TOX3: variants seen among roughly 807,000 people sequenced by gnomAD.
TOX3 encodes TOX high mobility group box family member 3, also known as CAG trinucleotide repeat-containing gene F9 protein.
In TOX3, 22 loss-of-function variants were observed where a neutral mutation model predicts 64.3. That is an observed-to-expected ratio of 0.34 (90% CI 0.24 to 0.49). The LOEUF (loss-of-function observed/expected upper bound fraction) is 0.49, where lower values mean the gene tolerates loss of function less well. TOX3 is among the 20% of genes least tolerant of loss of function. The pLI, the probability that TOX3 is intolerant of heterozygous loss-of-function variation, is 0.99. For missense variants in TOX3, 661 were observed against 714.4 expected (o/e 0.93, Z 0.85); for synonymous variants, 291 against 273.6 (o/e 1.06, Z -0.63).
At chr16:52,509,877 T>C (rs980302632) in intron 1 of TOX3, among the ~76,000 whole-genome samples, 1 of 152,200 alleles carries the variant, frequency 6.6e-6, no homozygotes, top group Non-Finnish European at 1.5e-5. Context: ...AATTATCAAG[T>C]TCAAAGTCTA....
chr16:52,450,483 C>A lies in TOX3; in HGVS notation c.472G>T (p.Val158Phe). The change falls in exon 4 of 7, where the codon GTC becomes TTC. Residue 158 changes from valine to phenylalanine, a missense_variant. By Grantham distance (50) the Val-to-Phe change is conservative. Around this residue, in one of 3 missense-constraint regions of TOX3, gnomAD observed 259 missense variants for 261.2 expected, o/e 0.99. Coordinates refer to ENST00000219746, the MANE Select transcript of TOX3 (RefSeq NM_001080430.4). ...QDPSLIMRSIVHMTDAARSGV... is the reference protein window; with the variant it reads ...QDPSLIMRSIFHMTDAARSGV... The stretch of plus-strand genomic sequence containing the variant: ...GAACGCGCAGCATCGGTCATGTGGA[C>A]GATGGACCGCATGATCAGGGAGGGA... 3.7e-6 allele frequency: 6 copies of A among 1,613,980 alleles called. No individual in the cohort carries two copies. The African/African-American group carries it at 4.0e-5, about 11-fold the overall frequency.
intron 1 of TOX3, among the ~76,000 whole-genome samples, chr16:52,522,886 A>C (rs1001717552): frequency 7.9e-5 from 12 of 152,172 alleles, no homozygotes; most frequent in African/African-American, 2.9e-4. Flanking sequence ...CACGTTTATC[A>C]TGTGCTATTC....
chr16:52,522,246 TC>T (rs1260626953), intron 1 of TOX3, among the ~76,000 whole-genome samples: 1 of 152,220 alleles, frequency 6.6e-6, no homozygotes, highest in Non-Finnish European at 1.5e-5. Flanking sequence ...ATAGGCTTTG[TC>T]TCCTAATAAA....
chr16:52,526,532 T>C (rs149247319), intron 1 of TOX3, among the ~76,000 whole-genome samples: 11 of 151,698 alleles, frequency 7.3e-5, no homozygotes, highest in Admixed American at 6.6e-4. Context: ...CTTGAAATCG[T>C]TGGTCGGCAG....
intron 1 of TOX3, among the ~76,000 whole-genome samples, chr16:52,502,873 A>T (rs143682991): frequency 5.9e-5 from 9 of 152,306 alleles, no homozygotes; most frequent in Admixed American, 2.6e-4. Context: ...GGGTCAAAAA[A>T]CTTTTTTCTT....
chr16:52,443,323 A>C, intron 6 of TOX3, among the ~76,000 whole-genome samples: 1 of 152,184 alleles, frequency 6.6e-6, no homozygotes, highest in East Asian at 1.9e-4. Context: ...TTATCTATCT[A>C]ATGAAGTGGG....
chr16:52,442,630 T>C (rs114329698), intron 6 of TOX3, among the ~76,000 whole-genome samples: 97 of 152,318 alleles, frequency 6.4e-4, no homozygotes, highest in African/African-American at 2.3e-3. Context: ...CACTGTACAA[T>C]TCAATGCTGC....
intron 5 of TOX3, 28 bp from the exon 6 acceptor site, chr16:52,444,384 C>G (rs1486164804): frequency 3.3e-6 from 5 of 1,507,032 alleles, no homozygotes; most frequent in South Asian, 1.2e-5. Context: ...TTAGCACCAC[C>G]TTTAGCGTAT....
At chr16:52,449,639 C>T (rs987502159) in intron 4 of TOX3, among the ~76,000 whole-genome samples, 12 of 152,226 alleles carry the variant, frequency 7.9e-5, no homozygotes, top group African/African-American at 2.4e-4. Context: ...AAATGCCAAG[C>T]ACAGAGTAGG....
Position 52,446,218 on chromosome 16 carries a change from T to C in TOX3, c.682A>G (p.Ile228Val), listed in dbSNP as rs762489929. The change falls in exon 5 of 7, where the codon ATT (isoleucine) becomes GTT (valine). Residue 228 changes from isoleucine (I) to valine (V), a missense_variant. By Grantham distance (29) the Ile-to-Val change is conservative. Around this residue, in one of 3 missense-constraint regions of TOX3, gnomAD observed 103 missense variants for 161.2 expected, o/e 0.64. Coordinates refer to ENST00000219746, the MANE Select transcript of TOX3 (RefSeq NM_001080430.4). ...EEDADEANRA[I>V]GEKRAAPDSG... The stretch of plus-strand genomic sequence containing the variant: ...TCTGGAGCAGCTCTTTTCTCTCCAA[T>C]GGCCTGCAAAGCAGGAAGAAAATTC... 1.2e-6 allele frequency: 2 copies of C among 1,612,550 alleles called. No homozygotes were observed. Among genetic ancestry groups the C allele is most frequent in the African/African-American group, 1.3e-5 (1 of 74,734 alleles).
intron 3 of TOX3, among the ~76,000 whole-genome samples, chr16:52,452,684 A>AT (rs898662055): frequency 4.2e-4 from 28 of 66,106 alleles, no homozygotes; most frequent in Admixed American, 1.8e-3. Flanking sequence ...TATAATAATA[A>AT]TAAAAAAAAG....
At chr16:52,524,505 G>A (rs1452112020) in intron 1 of TOX3, among the ~76,000 whole-genome samples, 1 of 152,106 alleles carries the variant, frequency 6.6e-6, no homozygotes, top group Non-Finnish European at 1.5e-5. Flanking sequence ...CAATTACAAA[G>A]TCTCTTAATG....
chr16:52,502,106 A>G (rs1418405634), intron 1 of TOX3, among the ~76,000 whole-genome samples: 2 of 152,182 alleles, frequency 1.3e-5, no homozygotes, highest in African/African-American at 4.8e-5. Context: ...TCTTTCCTAA[A>G]AGTTCCTTCC....
chr16:52,493,358 T>C (rs1340357269), intron 1 of TOX3, among the ~76,000 whole-genome samples: 1 of 152,040 alleles, frequency 6.6e-6, no homozygotes, highest in Non-Finnish European at 1.5e-5. Context: ...TTTGGGAAAG[T>C]GAGAGTGCAA....
At position 52,464,458 on chromosome 16, in the gene TOX3, T is replaced by C. The variant is rs142761620; in HGVS notation, c.154-270A>G. On this transcript the variant is annotated intron_variant, in intron 2 of 6. Coordinates refer to ENST00000219746, the MANE Select transcript of TOX3 (RefSeq NM_001080430.4). The stretch of plus-strand genomic sequence containing the variant: ...ATGCCTACTTAATTAGCAACATCTG[T>C]CTTTGTTGTTAGTTGGAGCATATAA... Among the ~76,000 whole-genome samples the C allele has an allele frequency of 2.0e-3, 308 of 152,348 alleles. 1 individual carries two copies. The highest frequency in any genetic ancestry group is 7.2e-3 in the African/African-American group (301 of 41,572).
At chr16:52,449,954 A>G (rs778886853) in intron 4 of TOX3, among the ~76,000 whole-genome samples, 30 of 152,224 alleles carry the variant, frequency 2.0e-4, no homozygotes, top group Admixed American at 3.3e-4. Context: ...GAATTTCTGG[A>G]ATGTCTAGAA....
rs74017849 is a variant in TOX3, at chr16:52,498,593, G to C, written c.88-30019C>G. 6.3e-3 allele frequency among the ~76,000 whole-genome samples: 960 copies of C among 152,268 alleles called. 11 individuals carry two copies. The highest frequency in any genetic ancestry group is 0.021 in the African/African-American group (890 of 41,538). ...AATCTGAACCTTTGTGGGGTTGGGG[G>C]GGGGAGGCTGTATTTTCTAACAACG... is the stretch of plus-strand genomic sequence containing the variant. On this transcript the variant is annotated intron_variant, in intron 1 of 6. Transcript: ENST00000219746.
At position 52,439,947 on chromosome 16, in the gene TOX3, C is replaced by T. The variant is rs779557110; in HGVS notation, c.1009G>A (p.Ala337Thr). 1.9e-6 allele frequency: 3 copies of T among 1,565,622 alleles called. No individual in the cohort carries two copies. Among genetic ancestry groups the T allele is most frequent in the Non-Finnish European group, 2.6e-6 (3 of 1,154,210 alleles). The change falls in exon 7 of 7, where the codon GCC (alanine) becomes ACC (threonine). Residue 337 changes from alanine (A) to threonine (T), a missense_variant. By Grantham distance (58) the Ala-to-Thr change is moderately conservative. This residue lies in a region of TOX3 where 103 missense variants were observed against 161.2 expected (regional missense o/e 0.64). Coordinates refer to ENST00000219746, the MANE Select transcript of TOX3 (RefSeq NM_001080430.4). ...TGCTGAACAGAACGGATGGTCTGGG[C>T]TTCTGCTGACTCAGCAGCAGCCTGC... is the stretch of plus-strand genomic sequence containing the variant. ...VSKAAAESAEAQTIRSVQQTL... is the reference protein window; with the variant it reads ...VSKAAAESAETQTIRSVQQTL...
rs139020569 is a variant in TOX3, at chr16:52,460,260, A to C, written c.408+3674T>G. 8.0e-3 allele frequency among the ~76,000 whole-genome samples: 1,214 copies of C among 152,344 alleles called. 19 individuals carry two copies. The highest frequency in any genetic ancestry group is 0.028 in the African/African-American group (1,152 of 41,586). ...AAGGTAATATCAAACAGAAAATGTCAGTCCTCTAAACATGGAAATATAATA... is the reference window on the plus strand; with the variant it reads ...AAGGTAATATCAAACAGAAAATGTCCGTCCTCTAAACATGGAAATATAATA... On this transcript the variant is annotated intron_variant, in intron 3 of 6. Coordinates refer to ENST00000219746, the MANE Select transcript of TOX3 (RefSeq NM_001080430.4).
Sources: allele counts gnomAD v4.1 joint callset (sites outside exome capture counted in the v4.1 genomes callset), GRCh38; gene constraint gnomAD v4.1.1; regional missense constraint gnomAD v4.1.1; transcripts MANE v1.5; gene names NCBI Gene and HGNC (gene_info 2026-07-23, HGNC 2026-07-21).